Variants in KCNIP4 observed in about 807,000 individuals in gnomAD.
KCNIP4 encodes the protein potassium voltage-gated channel interacting protein 4.
A neutral mutation model predicts 34.0 loss-of-function variants in KCNIP4; 12 were observed. The ratio of observed to expected loss-of-function variants is 0.35; its 90% CI spans 0.23 to 0.57. KCNIP4 has a LOEUF of 0.57. Ranked by LOEUF, KCNIP4 falls within the 20% of genes least tolerant of loss-of-function variation. The pLI, the probability that KCNIP4 is intolerant of heterozygous loss-of-function variation, is 0.83. For synonymous variants in KCNIP4, 124 were observed against 102.2 expected, an observed-to-expected ratio of 1.21 and a Z score of -1.29; for missense variants, 238 against 311.7, an observed-to-expected ratio of 0.76 and a Z score of 1.78.
intron 1 of KCNIP4, among the ~76,000 whole-genome samples, chr4:21,866,208 G>A (rs1725405982): frequency 6.6e-6 from 1 of 152,134 alleles, no homozygotes; most frequent in African/African-American, 2.4e-5. Flanking sequence ...TGAAATTGGT[G>A]CAAACACTGA....
intron 1 of KCNIP4, among the ~76,000 whole-genome samples, chr4:21,565,641 G>A (rs1163791886): frequency 6.6e-6 from 1 of 151,992 alleles, no homozygotes; most frequent in East Asian, 1.9e-4. Flanking sequence ...GCAACTGATT[G>A]GCAATGACAT....
At chr4:21,020,183 G>A (rs1216232035) in intron 1 of KCNIP4, among the ~76,000 whole-genome samples, 1 of 152,074 alleles carries the variant, frequency 6.6e-6, no homozygotes, top group Non-Finnish European at 1.5e-5. Context: ...CAGACCACAG[G>A]TTCAGAATGT....
intron 1 of KCNIP4, among the ~76,000 whole-genome samples, chr4:21,356,057 T>C (rs1466970147): frequency 6.6e-6 from 1 of 152,104 alleles, no homozygotes; most frequent in Non-Finnish European, 1.5e-5. Flanking sequence ...AAAACCACGA[T>C]TATTTCAATA....
In KCNIP4 at chr4:20,837,662, C is replaced by T. The variant is rs1012541244; in HGVS notation, c.288+12881G>A. The stretch of plus-strand genomic sequence containing the variant: ...TAAATTATTTATTGAGTTGTCAGTG[C>T]TATATATATATATATATATATATAT... On this transcript the variant is annotated intron_variant, in intron 3 of 8. Coordinates refer to ENST00000382152, the MANE Select transcript of KCNIP4 (RefSeq NM_025221.6). 1.2e-4 allele frequency among the ~76,000 whole-genome samples: 16 copies of T among 138,076 alleles called. No individual in the cohort carries two copies. The East Asian group carries it at 2.9e-3, about 25-fold the overall frequency. The allele number at this position is 138,076 out of a possible 152,430, so 90.6% of individuals were successfully genotyped here.
chr4:20,907,010 A>G (rs1238078162), intron 1 of KCNIP4, among the ~76,000 whole-genome samples: 1 of 152,236 alleles, frequency 6.6e-6, no homozygotes, highest in Non-Finnish European at 1.5e-5. Flanking sequence ...TTCAGCATAT[A>G]GAACAGTTTC....
At chr4:21,024,772 C>A (rs1360853089) in intron 1 of KCNIP4, among the ~76,000 whole-genome samples, 1 of 152,140 alleles carries the variant, frequency 6.6e-6, no homozygotes, top group East Asian at 1.9e-4. Context: ...GTGCTTTCTG[C>A]TTTTTTCAAT....
At position 21,767,983 on chromosome 4, in the gene KCNIP4, T is replaced by G. The variant is rs114654486; in HGVS notation, c.61+180588A>C. On this transcript the variant is annotated intron_variant, in intron 1 of 8. Coordinates refer to ENST00000382152, the MANE Select transcript of KCNIP4 (RefSeq NM_025221.6). The stretch of plus-strand genomic sequence containing the variant: ...GAAGCCATTCTTCTAACTTCAAAAC[T>G]GATCCTTGCTGAAGACAAAACTTCC... 8.8e-3 allele frequency among the ~76,000 whole-genome samples: 1,345 copies of G among 152,230 alleles called. 24 individuals carry two copies. The highest frequency in any genetic ancestry group is 0.031 in the African/African-American group (1,282 of 41,544).
chr4:21,529,187 T>C (rs1254660249), intron 1 of KCNIP4, among the ~76,000 whole-genome samples: 2 of 152,110 alleles, frequency 1.3e-5, no homozygotes, highest in Admixed American at 1.3e-4. Flanking sequence ...ATTTGGCCCA[T>C]AGACATTATT....
At chr4:21,580,857 G>A (rs907239739) in intron 1 of KCNIP4, among the ~76,000 whole-genome samples, 24 of 152,022 alleles carry the variant, frequency 1.6e-4, no homozygotes, top group African/African-American at 5.1e-4. Flanking sequence ...GTATTGCAAC[G>A]AAGAATGGAA....
In KCNIP4 at chr4:21,697,501, T is replaced by TAAC. The variant is rs1712468350; in HGVS notation, c.61+251069_61+251070insGTT. 3 of 1,502,054 alleles carry TAAC rather than the reference T, an allele frequency of 2.0e-6. No homozygotes were observed. In the African/African-American group the frequency reaches 4.5e-5, roughly 22 times the overall value. The allele number at this position is 1,502,054 out of a possible 1,614,324, so 93.0% of individuals were successfully genotyped here. ...TCTTTGCCAATAATAATAATAATAA[T>TAAC]AATAAAAAGAGAGTCTCTGAGGAGA... On this transcript the variant is annotated intron_variant, in intron 1 of 8. Coordinates refer to ENST00000382152, the MANE Select transcript of KCNIP4 (RefSeq NM_025221.6).
chr4:21,522,700 TCCAA>T (rs1735644191), intron 1 of KCNIP4, among the ~76,000 whole-genome samples: 1 of 151,952 alleles, frequency 6.6e-6, no homozygotes, highest in Admixed American at 6.6e-5. Context: ...TTACTACCTG[TCCAA>T]CCATAGGCAA....
At chr4:21,246,034 T>A (rs1438155254) in intron 1 of KCNIP4, among the ~76,000 whole-genome samples, 1 of 152,124 alleles carries the variant, frequency 6.6e-6, no homozygotes, top group Non-Finnish European at 1.5e-5. Flanking sequence ...AAAGGAGGAT[T>A]TTTTTTAACT....
At chr4:21,614,526 A>G (rs1398931201) in intron 1 of KCNIP4, among the ~76,000 whole-genome samples, 1 of 148,296 alleles carries the variant, frequency 6.7e-6, no homozygotes, top group Non-Finnish European at 1.5e-5. Flanking sequence ...AAATTAAGCT[A>G]TAATATAGCT....
intron 1 of KCNIP4, among the ~76,000 whole-genome samples, chr4:21,413,230 A>T (rs1030322357): frequency 6.6e-6 from 1 of 152,116 alleles, no homozygotes; most frequent in African/African-American, 2.4e-5. Context: ...TACTGACAGA[A>T]CCATTTCCAA....
intron 1 of KCNIP4, among the ~76,000 whole-genome samples, chr4:21,661,201 C>T (rs188765281): frequency 6.6e-6 from 1 of 152,256 alleles, no homozygotes; most frequent in East Asian, 1.9e-4. Flanking sequence ...TTTCCAGCTC[C>T]CCATCCCATT....
At chr4:21,643,864 TGATGATGATA>T (rs200995974) in intron 1 of KCNIP4, among the ~76,000 whole-genome samples, 7,418 of 97,332 alleles carry the variant, frequency 0.076, 208 homozygotes, top group Non-Finnish European at 0.086. Flanking sequence ...TAGGTGATGA[TGATGATGATA>T]GATAGATAGA....
At position 21,200,371 on chromosome 4, in the gene KCNIP4, CATATATGTGTGTATATATATATATACAT is replaced by C. The variant is rs1560803430; in HGVS notation, c.62-317690_62-317663del. Among the ~76,000 whole-genome samples, 112 of 130,586 alleles carry C rather than the reference CATATATGTGTGTATATATATATATACAT, an allele frequency of 8.6e-4. 8 individuals carry two copies. Among genetic ancestry groups the C allele is most frequent in the African/African-American group, 3.0e-3 (97 of 32,726 alleles). 85.7% of individuals were successfully genotyped at this position (130,586 alleles called of 152,430 possible). A position where few individuals can be genotyped will look rare whatever the true frequency, so the allele number is the denominator to read the frequency against. On this transcript the variant is annotated intron_variant, in intron 1 of 8. Coordinates refer to ENST00000382152, the MANE Select transcript of KCNIP4 (RefSeq NM_025221.6). ...ATATGTGTGTATATATATATACATACATATATGTGTGTATATATATATATACATACATATATGTGTGTATATATATACA... is the reference window on the plus strand; with the variant it reads ...ATATGTGTGTATATATATATACATACACATATATGTGTGTATATATATACA...
rs1711622983 is a variant in KCNIP4 at position 21,301,140 on chromosome 4, G to T, written c.62-418431C>A. Among the ~76,000 whole-genome samples, 4 of 152,038 alleles carry T rather than the reference G, an allele frequency of 2.6e-5. No homozygotes were observed. The South Asian group carries it at 8.3e-4, about 32-fold the overall frequency. On this transcript the variant is annotated intron_variant, in intron 1 of 8. Coordinates refer to ENST00000382152, the MANE Select transcript of KCNIP4 (RefSeq NM_025221.6). ...ATCAGAACAGGACCCAAGACTCAAG[G>T]ACCTAATCCCCAGTCTTCTACAATG...
At chr4:21,043,604 G>T (rs1164792468) in intron 1 of KCNIP4, among the ~76,000 whole-genome samples, 1 of 151,906 alleles carries the variant, frequency 6.6e-6, no homozygotes, top group East Asian at 1.9e-4. Flanking sequence ...CTCTCAAAGT[G>T]CTGGGATGAC....
Sources: gnomAD v4.1 joint callset for allele counts (sites outside exome capture counted in the v4.1 genomes callset) on GRCh38, gnomAD v4.1.1 for gene constraint, MANE v1.5 for transcripts, NCBI Gene and HGNC (gene_info 2026-07-23, HGNC 2026-07-21) for gene names.